CR1L: variants seen among roughly 807,000 people sequenced by gnomAD.
CR1L encodes complement C3b/C4b receptor 1 like.
A neutral mutation model predicts 62.3 loss-of-function variants in CR1L; 59 were observed. The ratio of observed to expected loss-of-function variants is 0.95; its 90% confidence interval spans 0.77 to 1.18. The LOEUF (loss-of-function observed/expected upper bound fraction) is 1.18, where lower values mean the gene tolerates loss of function less well. Among genes scored for constraint, CR1L ranks in the 50% most tolerant of loss-of-function variants. The probability of loss-of-function intolerance (pLI) is 0.00; values close to 1 mark genes in which losing one functional copy is unlikely to be tolerated. For synonymous variants in CR1L, 279 were observed against 248.7 expected, an observed-to-expected ratio of 1.12 and a Z score of -1.15; for missense variants, 700 against 702.8, an observed-to-expected ratio of 1.00 and a Z score of 0.04.
chr1:207,684,017 T>C (rs1663850170), intron 4 of CR1L, 60 bp downstream of exon 4: 7 of 1,515,286 alleles, frequency 4.6e-6, no homozygotes, highest in African/African-American at 2.7e-5. Flanking sequence ...TTCTCTGGAA[T>C]AATAAAAATC....
At chr1:207,702,444 G>A (rs770324468) in intron 9 of CR1L, among the ~76,000 whole-genome samples, 12 of 152,284 alleles carry the variant, frequency 7.9e-5, no homozygotes, top group Non-Finnish European at 1.6e-4. Context: ...GAAGGGAGGA[G>A]TCATGCATCT....
chr1:207,645,606 C>T (rs1464048108), intron 1 of CR1L, among the ~76,000 whole-genome samples: 2 of 152,112 alleles, frequency 1.3e-5, no homozygotes, highest in Non-Finnish European at 2.9e-5. Flanking sequence ...ATCGTGTTTT[C>T]GGGATTGAGC....
At chr1:207,664,008 A>C (rs1186388568) in intron 1 of CR1L, among the ~76,000 whole-genome samples, 6 of 152,116 alleles carry the variant, frequency 3.9e-5, no homozygotes, top group Admixed American at 3.9e-4. Flanking sequence ...GGGCAGTTTT[A>C]TCTGGCAATA....
chr1:207,681,974 C>G (rs1378294668), intron 3 of CR1L, among the ~76,000 whole-genome samples: 7 of 142,694 alleles, frequency 4.9e-5, no homozygotes, highest in Non-Finnish European at 7.7e-5. Flanking sequence ...GGGAGGGGAG[C>G]ATCACACTCC....
intron 4 of CR1L, among the ~76,000 whole-genome samples, chr1:207,691,817 C>T (rs1010935036): frequency 1.3e-5 from 2 of 152,096 alleles, no homozygotes; most frequent in African/African-American, 4.8e-5. Context: ...TGTTGCCATA[C>T]GTTTTGTAAA....
intron 9 of CR1L, among the ~76,000 whole-genome samples, chr1:207,704,760 A>G (rs1664244315): frequency 6.6e-6 from 1 of 152,148 alleles, no homozygotes. Flanking sequence ...TTTTTTTCAC[A>G]TAATTCTATT....
chr1:207,672,741 T>C (rs1263506193), intron 1 of CR1L, among the ~76,000 whole-genome samples: 1 of 152,152 alleles, frequency 6.6e-6, no homozygotes, highest in Non-Finnish European at 1.5e-5. Flanking sequence ...ATGGTCCTCA[T>C]GTAGGATCTG....
intron 10 of CR1L, among the ~76,000 whole-genome samples, chr1:207,712,738 T>A (rs971342265): frequency 4.5e-4 from 69 of 152,216 alleles, no homozygotes; most frequent in African/African-American, 1.6e-3. Context: ...GAAGTCTTAC[T>A]CCTGTTGTTT....
intron 4 of CR1L, among the ~76,000 whole-genome samples, chr1:207,688,738 C>T (rs1663950742): frequency 6.6e-6 from 1 of 152,024 alleles, no homozygotes; most frequent in South Asian, 2.1e-4. Context: ...TTGAAGTCTT[C>T]TTTAATTTCT....
intron 1 of CR1L, among the ~76,000 whole-genome samples, chr1:207,670,484 T>C (rs912757502): frequency 6.6e-6 from 1 of 150,984 alleles, no homozygotes; most frequent in African/African-American, 2.5e-5. Context: ...ACCCTTCTAT[T>C]ATTAGTTTTG....
chr1:207,662,218 C>T (rs555481382), intron 1 of CR1L, among the ~76,000 whole-genome samples: 1 of 152,280 alleles, frequency 6.6e-6, no homozygotes, highest in East Asian at 1.9e-4. Context: ...GGGAAGTTCT[C>T]CTGGATAATA....
intron 11 of CR1L, 95 bp from the exon 12 acceptor site, chr1:207,723,523 A>G (rs1405561136): frequency 4.7e-6 from 5 of 1,070,342 alleles, no homozygotes; most frequent in Non-Finnish European, 6.8e-6. Context: ...TGAGTCCTGA[A>G]TAAAAATCAG....
intron 10 of CR1L, among the ~76,000 whole-genome samples, chr1:207,714,565 G>A (rs1257228421): frequency 6.6e-6 from 1 of 152,102 alleles, no homozygotes; most frequent in African/African-American, 2.4e-5. Context: ...TTGCTTATGT[G>A]TATCCATTAT....
At chr1:207,707,207 G>A (rs1571532304) in intron 9 of CR1L, among the ~76,000 whole-genome samples, 1 of 152,282 alleles carries the variant, frequency 6.6e-6, no homozygotes, top group African/African-American at 2.4e-5. Flanking sequence ...AAAAAGAATA[G>A]CAAGGAATGC....
chr1:207,701,539 C>T lies in CR1L; in HGVS notation c.1249C>T (p.Pro417Ser), dbSNP rs761538436. 18 of 1,613,834 alleles carry T rather than the reference C, an allele frequency of 1.1e-5. No individual in the cohort carries two copies. Among genetic ancestry groups the T allele is most frequent in the Non-Finnish European group, 1.5e-5 (18 of 1,179,758 alleles). ...CACAGGTAAATCATGTGAAACTCCTCCAGTTCCAGTGAATGGCATGGTGCA... is the reference window on the plus strand; with the variant it reads ...CACAGGTAAATCATGTGAAACTCCTTCAGTTCCAGTGAATGGCATGGTGCA... ...VCERKSCETPPVPVNGMVHVI... is the reference protein window; with the variant it reads ...VCERKSCETPSVPVNGMVHVI... The change falls in exon 9 of 12, where the codon CCA (proline) becomes TCA (serine). Residue 417 changes from proline to serine, a missense_variant. Coordinates refer to ENST00000508064, the MANE Select transcript of CR1L (RefSeq NM_175710.2).
chr1:207,717,486 A>G lies in CR1L; in HGVS notation c.1437A>G (p.Pro479=). 1 of 1,613,678 alleles carries G rather than the reference A, an allele frequency of 6.2e-7. No homozygotes were observed. Among genetic ancestry groups the G allele is most frequent in the Non-Finnish European group, 8.5e-7 (1 of 1,179,614 alleles). ...ICQQIFCPNP[P]AILNGRHTGT... Reference sequence around the variant, plus strand: ...TAGAAATCTTTTGTCCAAATCCTCCAGCTATCCTTAATGGGAGACACACAG... The same window carrying G: ...TAGAAATCTTTTGTCCAAATCCTCCGGCTATCCTTAATGGGAGACACACAG... Residue 479 remains proline (P), a synonymous_variant, in exon 11 of 12, where the codon CCA becomes CCG. Transcript: ENST00000508064.
intron 4 of CR1L, among the ~76,000 whole-genome samples, chr1:207,691,897 G>A (rs1320747056): frequency 6.6e-6 from 1 of 152,210 alleles, no homozygotes; most frequent in African/African-American, 2.4e-5. Flanking sequence ...AAATCAGGCA[G>A]CCTTCCAAGC....
intron 1 of CR1L, among the ~76,000 whole-genome samples, chr1:207,659,866 G>T (rs1264415943): frequency 2.6e-5 from 4 of 152,228 alleles, no homozygotes; most frequent in Non-Finnish European, 5.9e-5. Flanking sequence ...TGCCTGGCTG[G>T]GGAGGTCCCA....
At chr1:207,697,351 C>T (rs1212381520) in intron 5 of CR1L, among the ~76,000 whole-genome samples, 152 bp from the exon 6 acceptor site, 1 of 152,166 alleles carries the variant, frequency 6.6e-6, no homozygotes, top group East Asian at 1.9e-4. Flanking sequence ...CTTCCTCGCC[C>T]TGTGTATTTA....
Sources: gnomAD v4.1 joint callset for allele counts (sites outside exome capture counted in the v4.1 genomes callset) on GRCh38, gnomAD v4.1.1 for gene constraint, MANE v1.5 for transcripts, NCBI Gene and HGNC (gene_info 2026-07-23, HGNC 2026-07-21) for gene names.